The following RNF150 variants were observed in gnomAD, a reference collection of about 807,000 sequenced individuals.
RNF150 encodes the protein ring finger protein 150.
In RNF150, 24 loss-of-function variants were observed where a neutral mutation model predicts 39.3. The observed-to-expected ratio is 0.61, with a 90% CI of 0.44 to 0.86. The LOEUF (loss-of-function observed/expected upper bound fraction) is 0.86, where lower values mean the gene tolerates loss of function less well. RNF150 is among the 40% of genes least tolerant of loss of function. RNF150 has a pLI of 0.00. For missense variants in RNF150, 502 were observed against 587.8 expected (o/e 0.85, Z 1.51); for synonymous variants, 255 against 227.3 (o/e 1.12, Z -1.10).
chr4:140,860,510 T>C lies in RNF150; in HGVS notation c.*7751A>G, dbSNP rs1728444131. On this transcript the variant is annotated 3_prime_UTR_variant, in exon 7 of 7. Coordinates refer to ENST00000515673, the MANE Select transcript of RNF150 (RefSeq NM_020724.2). ...GATAGACAATGCCGAGATGGAACCA[T>C]CATCTACTACCTGCAGACTAGCCAG... The C allele has an allele frequency of 6.6e-6, 1 of 152,174 alleles. No homozygotes were observed. The highest frequency in any genetic ancestry group is 6.5e-5 in the Admixed American group (1 of 15,284). The allele number at this position is 152,174 out of a possible 1,614,324, so 9.4% of individuals were successfully genotyped here.
At chr4:141,110,014 T>A (rs3913899) in intron 1 of RNF150, among the ~76,000 whole-genome samples, 1 of 152,046 alleles carries the variant, frequency 6.6e-6, no homozygotes, top group Non-Finnish European at 1.5e-5. Flanking sequence ...TATGAGAGAC[T>A]AAGGACCAGG....
intron 6 of RNF150, among the ~76,000 whole-genome samples, chr4:140,872,339 AG>A (rs1728980234): frequency 6.6e-6 from 1 of 152,214 alleles, no homozygotes; most frequent in African/African-American, 2.4e-5. Context: ...TCTTTGATGT[AG>A]GTATTTTTAT....
intron 1 of RNF150, among the ~76,000 whole-genome samples, chr4:141,150,518 G>A (rs1727278857): frequency 1.3e-5 from 2 of 152,190 alleles, no homozygotes; most frequent in Admixed American, 1.3e-4. Context: ...AAGCAATCAT[G>A]ATAAAACACA....
intron 6 of RNF150, among the ~76,000 whole-genome samples, chr4:140,881,167 T>A (rs1243418369): frequency 7.5e-6 from 1 of 132,470 alleles, no homozygotes; most frequent in Non-Finnish European, 1.6e-5. Flanking sequence ...TCCTTTGTAC[T>A]TTTTTTTTTT....
chr4:141,014,660 G>C (rs1278084585), intron 1 of RNF150, among the ~76,000 whole-genome samples: 1 of 152,052 alleles, frequency 6.6e-6, no homozygotes, highest in Non-Finnish European at 1.5e-5. Context: ...TGTCCATTCA[G>C]GTCCTTTGCC....
chr4:141,081,499 T>A (rs1364057991), intron 1 of RNF150, among the ~76,000 whole-genome samples: 1 of 152,186 alleles, frequency 6.6e-6, no homozygotes, highest in Non-Finnish European at 1.5e-5. Context: ...ATTTCATGTG[T>A]TTCATGTTTG....
intron 2 of RNF150, among the ~76,000 whole-genome samples, chr4:140,965,357 C>T (rs1177008853): frequency 1.3e-5 from 2 of 152,044 alleles, no homozygotes; most frequent in Admixed American, 1.3e-4. Flanking sequence ...AAAAACAGAA[C>T]TACCATTGAA....
chr4:141,151,450 AC>A (rs1727298563), intron 1 of RNF150, among the ~76,000 whole-genome samples: 1 of 7,628 alleles, frequency 1.3e-4, no homozygotes, highest in Non-Finnish European at 1.1e-3. Context: ...ACACACACAC[AC>A]ACACACACAC....
Position 141,142,424 on chromosome 4 carries a change from G to C in RNF150, c.-6+70370C>G, listed in dbSNP as rs17006916. Among the ~76,000 whole-genome samples the C allele has an allele frequency of 5.3e-3, 804 of 152,178 alleles. 4 individuals carry two copies. The highest frequency in any genetic ancestry group is 0.018 in the African/African-American group (747 of 41,524). The stretch of plus-strand genomic sequence containing the variant: ...CCCTGTTAACTGGAATAGTCCTGTC[G>C]GCACACAGACAGGCTCTAGTCTCAC... On this transcript the variant is annotated intron_variant, in intron 1 of 7. Transcript: ENST00000420921.
rs1213584217 is a variant in RNF150 at position 141,195,011 on chromosome 4, A to G, written c.-6+17783T>C. ...CAATAATAGTAGCTACTATTATGTA[A>G]GATAAGTACAGATCTTCAAAAAGGA... On this transcript the variant is annotated intron_variant, in intron 1 of 7. Coordinates refer to the RNF150 transcript ENST00000420921. Among the ~76,000 whole-genome samples the G allele has an allele frequency of 1.1e-4, 16 of 152,258 alleles. 1 individual carries two copies. In the South Asian group the frequency reaches 3.3e-3, roughly 32 times the overall value.
At chr4:141,046,630 G>T (rs1299494009) in intron 1 of RNF150, among the ~76,000 whole-genome samples, 1 of 152,044 alleles carries the variant, frequency 6.6e-6, no homozygotes, top group East Asian at 1.9e-4. Context: ...GTGTTGCTCT[G>T]TACCCATGAC....
At chr4:140,996,843 A>C (rs1360634723) in intron 1 of RNF150, 2 of 152,256 alleles carry the variant, frequency 1.3e-5, no homozygotes, top group Non-Finnish European at 2.9e-5. Context: ...AAAGTGAGAA[A>C]AGCAGTCATC....
At chr4:141,060,302 G>A (rs780294531) in intron 1 of RNF150, among the ~76,000 whole-genome samples, 5 of 152,030 alleles carry the variant, frequency 3.3e-5, no homozygotes, top group South Asian at 2.1e-4. Context: ...TTAGCCAGGC[G>A]TAGTAGCATG....
chr4:141,065,976 G>A (rs1210367468), intron 1 of RNF150, among the ~76,000 whole-genome samples: 1 of 151,968 alleles, frequency 6.6e-6, no homozygotes, highest in African/African-American at 2.4e-5. Context: ...AGCTGCTCCT[G>A]TTGAGGTAAC....
At chr4:140,916,773 G>T (rs1210858525) in intron 5 of RNF150, among the ~76,000 whole-genome samples, 1 of 152,100 alleles carries the variant, frequency 6.6e-6, no homozygotes. Flanking sequence ...AAGGAAAAAG[G>T]GTTAAGGGCA....
At chr4:141,136,986 A>G (rs1221367327), upstream of RNF150, among the ~76,000 whole-genome samples, 1 of 152,228 alleles carries the variant, frequency 6.6e-6, no homozygotes, top group Non-Finnish European at 1.5e-5. Context: ...TACAAGTACA[A>G]TCTGAGTATA....
At chr4:140,978,993 C>CA (rs1255637344) in intron 1 of RNF150, among the ~76,000 whole-genome samples, 2 of 151,946 alleles carry the variant, frequency 1.3e-5, no homozygotes, top group African/African-American at 2.4e-5. Context: ...TTTTGCTGGA[C>CA]AAAAAACAAT....
intron 5 of RNF150, among the ~76,000 whole-genome samples, chr4:140,920,256 C>A (rs1388030245): frequency 6.8e-6 from 1 of 146,882 alleles, no homozygotes; most frequent in Non-Finnish European, 1.5e-5. Flanking sequence ...AGGCAACCTA[C>A]AAAATGGGAG....
In RNF150 at chr4:140,863,326, C is replaced by T. The variant is rs754083742; in HGVS notation, c.*4935G>A. 8 of 152,142 alleles carry T rather than the reference C, an allele frequency of 5.3e-5. No individual in the cohort carries two copies. The highest frequency in any genetic ancestry group is 7.3e-5 in the Non-Finnish European group (5 of 68,030). 9.4% of individuals were successfully genotyped at this position (152,142 alleles called of 1,614,324 possible). A position where few individuals can be genotyped will look rare whatever the true frequency, so the allele number is the denominator to read the frequency against. ...CATTTATGGCAAGGAAGCCTGAAAA[C>T]ATGGCAATGGTTGTAAGATGGGTTG... On this transcript the variant is annotated 3_prime_UTR_variant, in exon 7 of 7. Coordinates refer to ENST00000515673, the MANE Select transcript of RNF150 (RefSeq NM_020724.2).
Sources: gnomAD v4.1 joint callset for allele counts (sites outside exome capture counted in the v4.1 genomes callset) on GRCh38, gnomAD v4.1.1 for gene constraint, MANE v1.5 for transcripts, NCBI Gene and HGNC (gene_info 2026-07-23, HGNC 2026-07-21) for gene names.